TANC2: variants seen among roughly 807,000 people sequenced by gnomAD.
The protein encoded by TANC2 is tetratricopeptide repeat, ankyrin repeat and coiled-coil containing 2, also known as protein TANC2.
A neutral mutation model predicts 210.5 loss-of-function variants in TANC2; 26 were observed. The ratio of observed to expected loss-of-function variants is 0.12; its 90% CI spans 0.09 to 0.17. The LOEUF (loss-of-function observed/expected upper bound fraction) is 0.17. TANC2 is among the 10% of genes least tolerant of loss of function. The pLI is 1.00. For synonymous variants in TANC2, 931 were observed against 967.1 expected, an observed-to-expected ratio of 0.96 and a Z score of 0.69; for missense variants, 2,129 against 2,608.9, an observed-to-expected ratio of 0.82 and a Z score of 4.01.
chr17:63,090,689 G>A (rs1359998524), intron 3 of TANC2, among the ~76,000 whole-genome samples: 1 of 152,148 alleles, frequency 6.6e-6, no homozygotes, highest in African/African-American at 2.4e-5. Context: ...TGTCTTTATA[G>A]CAGCATGATT....
At chr17:63,144,093 A>G (rs913757114) in intron 4 of TANC2, among the ~76,000 whole-genome samples, 2 of 152,170 alleles carry the variant, frequency 1.3e-5, no homozygotes, top group Admixed American at 6.6e-5. Context: ...TTTATGGTAT[A>G]TATTCTAGTG....
At chr17:63,382,790 A>G (rs537893070) in intron 15 of TANC2, among the ~76,000 whole-genome samples, 8 of 152,180 alleles carry the variant, frequency 5.3e-5, no homozygotes, top group Non-Finnish European at 1.2e-4. Context: ...CACTTTTCCA[A>G]TGTAGGTTCC....
intron 11 of TANC2, among the ~76,000 whole-genome samples, chr17:63,339,686 T>C (rs1456269077): frequency 1.3e-5 from 2 of 152,212 alleles, no homozygotes; most frequent in Non-Finnish European, 2.9e-5. Context: ...ACTAACATGA[T>C]TTTTCTTGGA....
chr17:63,306,336 G>T (rs1204670398), intron 9 of TANC2, among the ~76,000 whole-genome samples: 6 of 152,172 alleles, frequency 3.9e-5, no homozygotes, highest in Non-Finnish European at 8.8e-5. Context: ...GTGATATAAT[G>T]ACACCCTGAT....
intron 7 of TANC2, among the ~76,000 whole-genome samples, chr17:63,202,314 G>A (rs549369719): frequency 6.6e-6 from 1 of 152,092 alleles, no homozygotes; most frequent in Non-Finnish European, 1.5e-5. Flanking sequence ...TTTATACTCT[G>A]TGAGAAGATA....
chr17:63,131,293 C>G (rs761445730), intron 4 of TANC2, among the ~76,000 whole-genome samples: 20 of 152,050 alleles, frequency 1.3e-4, no homozygotes, highest in Non-Finnish European at 2.1e-4. Context: ...AAACTAAAAC[C>G]TAATCATAAT....
At position 62,973,659 on chromosome 17, in the gene TANC2, T is replaced by C. The variant is rs558575629; in HGVS notation, c.-24+6910T>C. On this transcript the variant is annotated intron_variant, in intron 1 of 27. Coordinates refer to ENST00000689528, the Ensembl canonical transcript of TANC2. Reference sequence around the variant, plus strand: ...AACCAGATTTTGTTCTTTTTTATGTTTGCTGGTGGCAAGAGGAAGATGAGA... The same window carrying C: ...AACCAGATTTTGTTCTTTTTTATGTCTGCTGGTGGCAAGAGGAAGATGAGA... Among the ~76,000 whole-genome samples, 5 of 152,348 alleles carry C rather than the reference T, an allele frequency of 3.3e-5. No individual in the cohort carries two copies. The East Asian group carries it at 9.6e-4, about 29-fold the overall frequency.
intron 1 of TANC2, among the ~76,000 whole-genome samples, chr17:62,984,234 A>G (rs768140500): frequency 5.3e-5 from 8 of 151,998 alleles, no homozygotes; most frequent in African/African-American, 7.2e-5. Context: ...GAATTTATCT[A>G]TGTCCTCTAG....
At chr17:63,293,998 GGAT>G (rs1472891817) in intron 9 of TANC2, among the ~76,000 whole-genome samples, 2 of 152,096 alleles carry the variant, frequency 1.3e-5, no homozygotes, top group African/African-American at 4.8e-5. Flanking sequence ...TAGAGTGCTG[GGAT>G]GATAGGCATG....
chr17:63,314,702 C>G (rs1428387490), intron 10 of TANC2, 33 bp downstream of exon 10: 2 of 1,601,062 alleles, frequency 1.2e-6, no homozygotes, highest in Non-Finnish European at 1.7e-6. Flanking sequence ...CTCCCTGTTT[C>G]ATTGGCGCTG....
chr17:63,390,690 C>T (rs1210000006), intron 17 of TANC2: 3 of 152,070 alleles, frequency 2.0e-5, no homozygotes, highest in Non-Finnish European at 2.9e-5. Context: ...TGCTAAAACT[C>T]GTTGGATCAA....
chr17:63,192,117 GT>G (rs1412783118), intron 5 of TANC2, among the ~76,000 whole-genome samples: 6 of 152,140 alleles, frequency 3.9e-5, no homozygotes, highest in Non-Finnish European at 7.4e-5. Context: ...GCCAAAGATA[GT>G]TTTTTCGTAT....
At chr17:63,050,563 A>G (rs1480295075) in intron 2 of TANC2, among the ~76,000 whole-genome samples, 3 of 152,184 alleles carry the variant, frequency 2.0e-5, no homozygotes, top group Non-Finnish European at 4.4e-5. Context: ...GGGGCAGTCT[A>G]TCATGTAGAG....
intron 2 of TANC2, among the ~76,000 whole-genome samples, chr17:63,035,292 C>G (rs1276166746): frequency 6.6e-6 from 1 of 152,166 alleles, no homozygotes; most frequent in Non-Finnish European, 1.5e-5. Flanking sequence ...AGATATAATG[C>G]TATTACAAAC....
intron 9 of TANC2, among the ~76,000 whole-genome samples, chr17:63,309,429 A>G (rs1363473753): frequency 2.3e-5 from 3 of 132,504 alleles, no homozygotes; most frequent in Non-Finnish European, 4.4e-5. Context: ...TTTAATTTGT[A>G]TTTATTTGGT....
At chr17:63,383,159 T>C (rs546047336) in intron 15 of TANC2, among the ~76,000 whole-genome samples, 3 of 152,328 alleles carry the variant, frequency 2.0e-5, no homozygotes, top group African/African-American at 7.2e-5. Context: ...TAACATCTTG[T>C]ACTGATGTGG....
chr17:63,253,817 G>C (rs2043117256), intron 8 of TANC2, among the ~76,000 whole-genome samples: 3 of 151,842 alleles, frequency 2.0e-5, no homozygotes, highest in African/African-American at 7.3e-5. Flanking sequence ...TGTTGTTGTT[G>C]TTGTTGTTTT....
chr17:62,980,121 CCTCTT>C (rs1417275581), intron 1 of TANC2, among the ~76,000 whole-genome samples: 1 of 152,120 alleles, frequency 6.6e-6, no homozygotes, highest in African/African-American at 2.4e-5. Context: ...TTCTTTTTAA[CCTCTT>C]CTCTAAACAA....
chr17:63,405,246 C>A, exon 20 of TANC2: 1 of 1,578,536 alleles, frequency 6.3e-7, no homozygotes. Context: ...TGCGCCAGGG[C>A]CACTGGCAGG....
Sources: gnomAD v4.1 joint callset for allele counts (sites outside exome capture counted in the v4.1 genomes callset) on GRCh38, gnomAD v4.1.1 for gene constraint, MANE v1.5 for transcripts, NCBI Gene and HGNC (gene_info 2026-07-23, HGNC 2026-07-21) for gene names.